TMEM263: variants seen among roughly 807,000 people sequenced by gnomAD.
TMEM263 encodes UPF0444 transmembrane protein C12orf23.
In TMEM263, 5 loss-of-function variants were observed where a neutral mutation model predicts 8.6. The ratio of observed to expected loss-of-function variants is 0.58; its 90% CI spans 0.31 to 1.23. TMEM263 has a LOEUF of 1.23. Ranked by LOEUF, TMEM263 falls within the 50% of genes most tolerant of loss-of-function variation. The pLI is 0.07. For missense variants in TMEM263, 104 were observed against 138.8 expected, an observed-to-expected ratio of 0.75 and a Z score of 1.26; for synonymous variants, 50 against 47.9, an observed-to-expected ratio of 1.04 and a Z score of -0.18.
chr12:106,959,740 A>G lies in TMEM263; in HGVS notation c.-7+2591A>G, dbSNP rs368857124. On this transcript the variant is annotated intron_variant, in intron 2 of 3. Coordinates refer to ENST00000280756, the MANE Select transcript of TMEM263 (RefSeq NM_152261.4). ...AGTAACGAAGTGGCAATATCCATAA[A>G]GAGGTAATATCACTAAAAGTTAGGC... Among the ~76,000 whole-genome samples, 6 of 152,330 alleles carry G rather than the reference A, an allele frequency of 3.9e-5. No individual in the cohort carries two copies. The South Asian group carries it at 8.3e-4, about 21-fold the overall frequency.
chr12:106,963,950 G>T (rs1247320469), intron 2 of TMEM263, among the ~76,000 whole-genome samples: 1 of 152,136 alleles, frequency 6.6e-6, no homozygotes, highest in East Asian at 1.9e-4. Context: ...GTTAAAATAT[G>T]TAAGATGTAT....
rs1440556281 is a variant in TMEM263, at chr12:106,972,700, T to C, written c.*1309T>C. ...TCGTTCCTTCTTAATATGATTTAGC[T>C]GGAATTCATTTTCTTTTCGTTTCAT... On this transcript the variant is annotated 3_prime_UTR_variant, in exon 4 of 4. Coordinates refer to ENST00000280756, the MANE Select transcript of TMEM263 (RefSeq NM_152261.4). 6.6e-6 allele frequency: 1 copy of C among 152,154 alleles called. No individual in the cohort carries two copies. The highest frequency in any genetic ancestry group is 1.9e-4 in the East Asian group (1 of 5,204). 9.4% of individuals were successfully genotyped at this position (152,154 alleles called of 1,614,324 possible).
intron 2 of TMEM263, 24 bp from the exon 3 acceptor site, chr12:106,967,087 T>A (rs761394883): frequency 6.7e-7 from 1 of 1,486,506 alleles, no homozygotes. Context: ...TAAAATGAAA[T>A]GTGTTTGTAT....
intron 2 of TMEM263, among the ~76,000 whole-genome samples, chr12:106,965,169 A>G (rs951924020): frequency 6.6e-5 from 10 of 152,112 alleles, no homozygotes; most frequent in African/African-American, 2.4e-4. Context: ...GATCCAGGTA[A>G]GCTCCCACAT....
rs887680615 is a variant in TMEM263 at position 106,973,241 on chromosome 12, A to T, written c.*1850A>T. On this transcript the variant is annotated 3_prime_UTR_variant, in exon 4 of 4. Coordinates refer to ENST00000280756, the MANE Select transcript of TMEM263 (RefSeq NM_152261.4). ...AATGTCATAATCAGCAAACGGGATT[A>T]AAAAAAAAACTCCAAAATCACTAAA... The T allele has an allele frequency of 2.7e-5, 4 of 148,728 alleles. No homozygotes were observed. Among genetic ancestry groups the T allele is most frequent in the East Asian group, 3.9e-4 (2 of 5,140 alleles). The allele number at this position is 148,728 out of a possible 1,614,324, so 9.2% of individuals were successfully genotyped here.
intron 2 of TMEM263, among the ~76,000 whole-genome samples, chr12:106,958,997 T>G (rs1951734649): frequency 6.6e-6 from 1 of 152,274 alleles, no homozygotes; most frequent in Admixed American, 6.5e-5. Context: ...ATTTGTTTCT[T>G]GAATGATTCA....
chr12:106,959,558 C>T (rs965218318), intron 2 of TMEM263, among the ~76,000 whole-genome samples: 9 of 152,152 alleles, frequency 5.9e-5, no homozygotes, highest in African/African-American at 1.9e-4. Flanking sequence ...TGATACTTGT[C>T]TCTACATATA....
intron 2 of TMEM263, among the ~76,000 whole-genome samples, chr12:106,965,655 C>G (rs1015356736): frequency 6.6e-6 from 1 of 151,604 alleles, no homozygotes; most frequent in African/African-American, 2.4e-5. Flanking sequence ...ACCCTCTCAT[C>G]CATCCCTTTT....
At chr12:106,959,891 GA>G (rs1234545211) in intron 2 of TMEM263, among the ~76,000 whole-genome samples, 1 of 151,500 alleles carries the variant, frequency 6.6e-6, no homozygotes, top group South Asian at 2.1e-4. Context: ...AGGAATTCAG[GA>G]AAAAAAATCT....
chr12:106,970,965 G>C, intron 3 of TMEM263, 140 bp from the exon 4 acceptor site: 1 of 750,862 alleles, frequency 1.3e-6, no homozygotes, highest in South Asian at 1.8e-5. Flanking sequence ...GAGCTCTTCA[G>C]TGTCTTTGAA....
chr12:106,967,292 C>T (rs926004911), intron 3 of TMEM263, 112 bp downstream of exon 3: 5 of 701,926 alleles, frequency 7.1e-6, no homozygotes, highest in Non-Finnish European at 1.1e-5. Flanking sequence ...GAGTCTTACT[C>T]TGTCAACCCA....
chr12:106,965,375 G>C (rs1951830424), intron 2 of TMEM263, among the ~76,000 whole-genome samples: 3 of 152,150 alleles, frequency 2.0e-5, no homozygotes. Flanking sequence ...GGGAGGCCGA[G>C]GTAGGCGGAT....
Position 106,971,874 on chromosome 12 carries a change from T to G in TMEM263, c.*483T>G, listed in dbSNP as rs1328281975. Reference sequence around the variant, plus strand: ...AGGCCAAGAGGCATTCATTTCTTATTTAAGCTGGCAAAATTAGCAGGAATT... The same window carrying G: ...AGGCCAAGAGGCATTCATTTCTTATGTAAGCTGGCAAAATTAGCAGGAATT... On this transcript the variant is annotated 3_prime_UTR_variant, in exon 4 of 4. Coordinates refer to ENST00000280756, the MANE Select transcript of TMEM263 (RefSeq NM_152261.4). 1 of 152,948 alleles carries G rather than the reference T, an allele frequency of 6.5e-6. No individual in the cohort carries two copies. The highest frequency in any genetic ancestry group is 1.5e-5 in the Non-Finnish European group (1 of 68,264). 9.5% of individuals were successfully genotyped at this position (152,948 alleles called of 1,614,324 possible).
At chr12:106,963,359 T>C (rs564844658) in intron 2 of TMEM263, among the ~76,000 whole-genome samples, 5 of 152,332 alleles carry the variant, frequency 3.3e-5, no homozygotes, top group African/African-American at 9.6e-5. Flanking sequence ...TAAGAGATTA[T>C]GATGGCTTAA....
At position 106,959,757 on chromosome 12, in the gene TMEM263, AAGTT is replaced by A. The variant is rs766120790; in HGVS notation, c.-7+2611_-7+2614del. 9.2e-5 allele frequency among the ~76,000 whole-genome samples: 14 copies of A among 152,198 alleles called. No individual in the cohort carries two copies. The East Asian group carries it at 1.3e-3, about 15-fold the overall frequency. On this transcript the variant is annotated intron_variant, in intron 2 of 3. Transcript: ENST00000280756. ...ATCCATAAAGAGGTAATATCACTAA[AAGTT>A]AGGCACATATTTGTGTGCAGGACTT...
At chr12:106,965,353 TC>T (rs1186857582) in intron 2 of TMEM263, among the ~76,000 whole-genome samples, 1 of 152,178 alleles carries the variant, frequency 6.6e-6, no homozygotes, top group Non-Finnish European at 1.5e-5. Flanking sequence ...ATGCCTGTAA[TC>T]CCAGCACTTT....
rs1951952313 is a variant in TMEM263 at position 106,973,375 on chromosome 12, T to G, written c.*1984T>G. On this transcript the variant is annotated 3_prime_UTR_variant, in exon 4 of 4. Transcript: ENST00000280756. ...ACTTCTACAGTTATAGACTCCACTG[T>G]GCTTTGTGTCTGAATTTCTCAGTAT... The G allele has an allele frequency of 6.6e-6, 1 of 152,628 alleles. No homozygotes were observed. Among genetic ancestry groups the G allele is most frequent in the Non-Finnish European group, 1.5e-5 (1 of 68,022 alleles). 9.5% of individuals were successfully genotyped at this position (152,628 alleles called of 1,614,324 possible).
chr12:106,971,318 G>A lies in TMEM263; in HGVS notation c.278G>A (p.Gly93Asp). ...GGGGGTGTCTCTGCTGTGGCTGGAG[G>A]TGTTACAGCTGTTGGGTCTGCTGTT... ...VKGGVSAVAG[G>D]VTAVGSAVVN... The change falls in exon 4 of 4, where the codon GGT (glycine) becomes GAT (aspartate). Residue 93 changes from glycine (G) to aspartate (D), a missense_variant. Physicochemically the swap from Gly to Asp is moderately conservative, Grantham distance 94 (BLOSUM62 -1). Coordinates refer to ENST00000280756, the MANE Select transcript of TMEM263 (RefSeq NM_152261.4). The A allele has an allele frequency of 4.3e-6, 7 of 1,614,198 alleles. No individual in the cohort carries two copies. The highest frequency in any genetic ancestry group is 1.1e-5 in the South Asian group (1 of 91,074).
At chr12:106,967,315 A>G (rs547986304) in intron 3 of TMEM263, 135 bp downstream of exon 3, 18 of 569,764 alleles carry the variant, frequency 3.2e-5, no homozygotes, top group South Asian at 3.0e-4. Flanking sequence ...CTGGAGTGCA[A>G]TGGCACGATC....
Sources: allele counts gnomAD v4.1 joint callset (sites outside exome capture counted in the v4.1 genomes callset), GRCh38; gene constraint gnomAD v4.1.1; transcripts MANE v1.5; gene names NCBI Gene and HGNC (gene_info 2026-07-23, HGNC 2026-07-21).